Variants in HIBCH observed in about 807,000 individuals in gnomAD.
HIBCH encodes the protein 3-hydroxyisobutyryl-CoA hydrolase.
HIBCH carries 50 observed loss-of-function variants against 58.2 expected under a neutral mutation model. That is an observed-to-expected ratio of 0.86 (90% CI 0.68 to 1.09). The LOEUF (loss-of-function observed/expected upper bound fraction) is 1.09, where lower values mean the gene tolerates loss of function less well. Among genes scored for constraint, HIBCH ranks in the 50% least tolerant of loss-of-function variants. The pLI is 0.00. For synonymous variants in HIBCH, 151 were observed against 146.9 expected (o/e 1.03, Z -0.20); for missense variants, 450 against 449.7 (o/e 1.00, Z -0.01).
At chr2:190,311,842 ACTT>A (rs1192969864) in intron 1 of HIBCH, among the ~76,000 whole-genome samples, 1 of 152,140 alleles carries the variant, frequency 6.6e-6, no homozygotes, top group African/African-American at 2.4e-5. Context: ...AACACAACAC[ACTT>A]CTATTTTTTG....
At chr2:190,307,126 G>A (rs1388702617) in intron 2 of HIBCH, among the ~76,000 whole-genome samples, 2 of 152,132 alleles carry the variant, frequency 1.3e-5, no homozygotes, top group Non-Finnish European at 2.9e-5. Context: ...TAGATGTGGA[G>A]GAAAAGAGAT....
At chr2:190,294,034 A>G (rs977156561) in intron 4 of HIBCH, among the ~76,000 whole-genome samples, 21 of 143,234 alleles carry the variant, frequency 1.5e-4, no homozygotes, top group African/African-American at 5.0e-4. Flanking sequence ...ATATATATAT[A>G]TATATATATA....
chr2:190,195,994 C>T (rs1295365688), intron 1 of HIBCH, among the ~76,000 whole-genome samples: 4 of 131,728 alleles, frequency 3.0e-5, no homozygotes, highest in African/African-American at 8.6e-5. Context: ...TTCCAGCACT[C>T]GTTGAAAAGA....
Position 190,244,892 on chromosome 2 carries a change from A to G in HIBCH, c.886T>C (p.Leu296=). ...QDGSSFALEQ[L]KVINKMSPTS... is the part of the protein sequence containing the mutation. Reference sequence around the variant, plus strand: ...AGAAAGGATTCCAATATTACCTTCAATTGCTCTAGGGCAAAAGATGAACCA... The same window carrying G: ...AGAAAGGATTCCAATATTACCTTCAGTTGCTCTAGGGCAAAAGATGAACCA... The change falls in exon 11 of 14, where the codon TTG becomes CTG. Residue 296 remains leucine, a synonymous_variant. Coordinates refer to ENST00000359678, the MANE Select transcript of HIBCH (RefSeq NM_014362.4). The G allele has an allele frequency of 1.9e-6, 3 of 1,604,272 alleles. No homozygotes were observed. In the Middle Eastern group the frequency reaches 5.0e-4, roughly 265 times the overall value.
intron 1 of HIBCH, among the ~76,000 whole-genome samples, chr2:190,194,778 T>A (rs1309551834): frequency 1.3e-5 from 2 of 152,320 alleles, no homozygotes; most frequent in Admixed American, 6.5e-5. Context: ...ATAGTTGTAA[T>A]CATACAGCAT....
intron 11 of HIBCH, among the ~76,000 whole-genome samples, chr2:190,239,852 G>T (rs999909805): frequency 1.7e-4 from 26 of 152,100 alleles, no homozygotes; most frequent in Non-Finnish European, 2.9e-5. Flanking sequence ...GTTTCACCAT[G>T]CTAGCCAGGC....
At chr2:190,192,891 AT>A (rs910822434) in intron 1 of HIBCH, among the ~76,000 whole-genome samples, 3 of 151,806 alleles carry the variant, frequency 2.0e-5, no homozygotes, top group African/African-American at 4.8e-5. Flanking sequence ...ATTCCAGTAA[AT>A]TTTTTTTGGG....
chr2:190,301,035 C>A (rs1008756814), intron 2 of HIBCH, among the ~76,000 whole-genome samples: 1 of 152,180 alleles, frequency 6.6e-6, no homozygotes, highest in African/African-American at 2.4e-5. Context: ...AGCAGCCACC[C>A]CTGCTTACCA....
At chr2:190,267,083 T>C (rs1433477805) in intron 6 of HIBCH, among the ~76,000 whole-genome samples, 3 of 151,946 alleles carry the variant, frequency 2.0e-5, no homozygotes, top group Non-Finnish European at 4.4e-5. Context: ...ATTTTTATTA[T>C]TTTTATTTTT....
At chr2:190,192,106 C>A (rs1371289798) in intron 1 of HIBCH, among the ~76,000 whole-genome samples, 2 of 151,808 alleles carry the variant, frequency 1.3e-5, no homozygotes, top group African/African-American at 4.8e-5. Flanking sequence ...AAACTATGAT[C>A]CCTTTTGAGT....
rs532239165 is a variant in HIBCH, at chr2:190,304,494, C to T, written c.78+6260G>A. On this transcript the variant is annotated intron_variant, in intron 2 of 13. Coordinates refer to ENST00000359678, the MANE Select transcript of HIBCH (RefSeq NM_014362.4). This position sits in a 1 kb window ranked among gnomAD's most constrained non-coding sequence, Gnocchi z 4.1. ...TTAATCAATTAATGGATTAATCCTT[C>T]GTGAGGACAGAGGCCTCGTGACCCA... Among the ~76,000 whole-genome samples the T allele has an allele frequency of 1.3e-5, 2 of 152,248 alleles. No homozygotes were observed. The highest frequency in any genetic ancestry group is 1.3e-4 in the Admixed American group (2 of 15,278).
intron 1 of HIBCH, among the ~76,000 whole-genome samples, chr2:190,193,249 T>G (rs1233833157): frequency 6.6e-6 from 1 of 152,134 alleles, no homozygotes; most frequent in Non-Finnish European, 1.5e-5. Context: ...TATAGTGAAT[T>G]ATATCTATTG....
Position 190,243,759 on chromosome 2 carries a change from G to A in HIBCH, c.891+1128C>T, listed in dbSNP as rs976127161. 1.3e-5 allele frequency among the ~76,000 whole-genome samples: 2 copies of A among 152,134 alleles called. No homozygotes were observed. The highest frequency in any genetic ancestry group is 4.8e-5 in the African/African-American group (2 of 41,438). On this transcript the variant is annotated intron_variant, in intron 11 of 13. Transcript: ENST00000359678. This position sits in a 1 kb window ranked among gnomAD's most constrained non-coding sequence, Gnocchi z 4.1. The stretch of plus-strand genomic sequence containing the variant: ...GAGGTGGGTGAATCACTTGAGCCTA[G>A]GAGGTCGAGACCAGTCTGGCCAACA...
At chr2:190,296,679 T>C in intron 3 of HIBCH, 134 bp downstream of exon 3, 1 of 841,990 alleles carries the variant, frequency 1.2e-6, no homozygotes, top group South Asian at 1.5e-5. Flanking sequence ...CACTGAAACC[T>C]CAAGAATTGA....
At chr2:190,290,756 T>C (rs776681134) in intron 4 of HIBCH, among the ~76,000 whole-genome samples, 4 of 152,204 alleles carry the variant, frequency 2.6e-5, no homozygotes, top group Non-Finnish European at 5.9e-5. Flanking sequence ...GCATGGTGGC[T>C]CAAACCTGTA....
intron 1 of HIBCH, among the ~76,000 whole-genome samples, chr2:190,191,322 T>G (rs898423233): frequency 1.3e-5 from 2 of 152,096 alleles, no homozygotes; most frequent in Non-Finnish European, 2.9e-5. Flanking sequence ...TTCTTGTATT[T>G]TCAGTAGAGA....
Position 190,246,320 on chromosome 2 carries a change from G to C in HIBCH, c.751-108C>G, listed in dbSNP as rs150886530. The C allele has an allele frequency of 4.9e-3, 3,315 of 683,312 alleles. 21 individuals are homozygous for C. Among genetic ancestry groups the C allele is most frequent in the South Asian group, 9.5e-3 (544 of 57,396 alleles). The allele number at this position is 683,312 out of a possible 1,614,324, so 42.3% of individuals were successfully genotyped here. A position where few individuals can be genotyped will look rare whatever the true frequency, so the allele number is the denominator to read the frequency against. Reference sequence around the variant, plus strand: ...GAAAGATTGTCACTTGTCACTTTCAGTCAAATTACATCTAACTGTCTCATA... The same window carrying C: ...GAAAGATTGTCACTTGTCACTTTCACTCAAATTACATCTAACTGTCTCATA... On this transcript the variant is annotated intron_variant, in intron 9 of 13. Transcript: ENST00000359678.
At chr2:190,250,854 G>A (rs1424454596) in intron 8 of HIBCH, among the ~76,000 whole-genome samples, 1 of 152,192 alleles carries the variant, frequency 6.6e-6, no homozygotes, top group African/African-American at 2.4e-5. Flanking sequence ...AATTTATAAA[G>A]TTTATGAAGA....
intron 11 of HIBCH, among the ~76,000 whole-genome samples, chr2:190,218,164 CACA>C (rs1247646188): frequency 1.3e-5 from 2 of 150,584 alleles, no homozygotes; most frequent in African/African-American, 4.9e-5. Context: ...AGGCAGTTGT[CACA>C]AGCAGACAAA....
Sources: gnomAD v4.1 joint callset for allele counts (sites outside exome capture counted in the v4.1 genomes callset) on GRCh38, gnomAD v4.1.1 for gene constraint, Gnocchi (gnomAD v3.1) non-coding constraint, MANE v1.5 for transcripts, NCBI Gene and HGNC (gene_info 2026-07-23, HGNC 2026-07-21) for gene names.